LRRC1: variants seen among roughly 807,000 people sequenced by gnomAD.
LRRC1 encodes leucine-rich repeat-containing protein 1.
In LRRC1, 28 loss-of-function variants were observed where a neutral mutation model predicts 69.9. The ratio of observed to expected loss-of-function variants is 0.40; its 90% confidence interval spans 0.30 to 0.55. LRRC1 has a LOEUF of 0.55. Ranked by LOEUF, LRRC1 falls within the 20% of genes least tolerant of loss-of-function variation. LRRC1 has a pLI of 0.47. For synonymous variants in LRRC1, 236 were observed against 240.2 expected, an observed-to-expected ratio of 0.98 and a Z score of 0.16; for missense variants, 498 against 609.0, an observed-to-expected ratio of 0.82 and a Z score of 1.92.
intron 2 of LRRC1, among the ~76,000 whole-genome samples, chr6:53,878,662 C>T (rs994280359): frequency 6.6e-6 from 1 of 152,170 alleles, no homozygotes; most frequent in Non-Finnish European, 1.5e-5. Context: ...TGCCGCTCAC[C>T]TCCTGCTGTG....
chr6:53,920,460 T>C, intron 12 of LRRC1, 165 bp from the exon 13 acceptor site: 1 of 583,198 alleles, frequency 1.7e-6, no homozygotes. Flanking sequence ...GAATTTTGTG[T>C]GTGTTTGTGT....
chr6:53,837,914 A>G (rs894654445), intron 1 of LRRC1, among the ~76,000 whole-genome samples: 2 of 152,214 alleles, frequency 1.3e-5, no homozygotes, highest in Non-Finnish European at 2.9e-5. Flanking sequence ...TCCTTTGCAT[A>G]TAATTGTACA....
chr6:53,861,839 AGAG>A (rs1239580454), intron 2 of LRRC1, among the ~76,000 whole-genome samples: 1 of 151,928 alleles, frequency 6.6e-6, no homozygotes, highest in East Asian at 1.9e-4. Flanking sequence ...CGGGCGTGTG[AGAG>A]GAGAACACAT....
chr6:53,892,011 T>TACACACACACAC (rs70980877), intron 4 of LRRC1, among the ~76,000 whole-genome samples: 8,932 of 135,062 alleles, frequency 0.066, 421 homozygotes, highest in East Asian at 0.15. Context: ...TATATATATA[T>TACACACACACAC]ACACACACAC....
chr6:53,874,319 A>T (rs1766995419), intron 2 of LRRC1, among the ~76,000 whole-genome samples: 1 of 152,118 alleles, frequency 6.6e-6, no homozygotes, highest in South Asian at 2.1e-4. Context: ...TTAAAAATCT[A>T]TTCCAGATTC....
At chr6:53,831,838 G>A (rs185519363) in intron 1 of LRRC1, among the ~76,000 whole-genome samples, 1 of 152,202 alleles carries the variant, frequency 6.6e-6, no homozygotes, top group Non-Finnish European at 1.5e-5. Flanking sequence ...CTTGGCTAGG[G>A]GTGGTATCGA....
intron 4 of LRRC1, among the ~76,000 whole-genome samples, chr6:53,885,581 A>T (rs1290542725): frequency 6.6e-6 from 1 of 152,198 alleles, no homozygotes; most frequent in East Asian, 1.9e-4. Context: ...GGTAAACCAC[A>T]TTAGCATTGG....
chr6:53,846,685 A>G (rs1285876641), intron 2 of LRRC1, among the ~76,000 whole-genome samples: 1 of 152,240 alleles, frequency 6.6e-6, no homozygotes, highest in Admixed American at 6.5e-5. Flanking sequence ...GAGTATATGA[A>G]CTAGATATCT....
intron 8 of LRRC1, among the ~76,000 whole-genome samples, chr6:53,902,211 A>G (rs1768081667): frequency 6.6e-6 from 1 of 152,328 alleles, no homozygotes; most frequent in African/African-American, 2.4e-5. Flanking sequence ...ACCGCACTGT[A>G]GGGATCTTCG....
At chr6:53,877,528 T>C (rs1391602416) in intron 2 of LRRC1, among the ~76,000 whole-genome samples, 1 of 152,200 alleles carries the variant, frequency 6.6e-6, no homozygotes, top group Non-Finnish European at 1.5e-5. Flanking sequence ...ATAAACTGAA[T>C]GCCTTTAACA....
chr6:53,827,897 A>G (rs927328442), intron 1 of LRRC1, among the ~76,000 whole-genome samples: 1 of 152,176 alleles, frequency 6.6e-6, no homozygotes, highest in Non-Finnish European at 1.5e-5. Flanking sequence ...TGGTGTTATT[A>G]TTATGTGCCA....
At chr6:53,912,301 G>A (rs538610446) in intron 10 of LRRC1, among the ~76,000 whole-genome samples, 11 of 152,276 alleles carry the variant, frequency 7.2e-5, no homozygotes, top group African/African-American at 2.6e-4. Flanking sequence ...GGACCAAAGC[G>A]TTCTGTGAAG....
chr6:53,851,127 C>G (rs1766114516), intron 2 of LRRC1, among the ~76,000 whole-genome samples: 1 of 151,322 alleles, frequency 6.6e-6, no homozygotes, highest in African/African-American at 2.4e-5. Context: ...ACTGATCACA[C>G]TCAAGCCTAG....
At chr6:53,845,708 G>C (rs1162197827) in intron 2 of LRRC1, among the ~76,000 whole-genome samples, 1 of 152,214 alleles carries the variant, frequency 6.6e-6, no homozygotes, top group Non-Finnish European at 1.5e-5. Context: ...ACTTGAATGT[G>C]CAAGGAATTA....
At chr6:53,802,508 T>C (rs1764515174) in intron 1 of LRRC1, among the ~76,000 whole-genome samples, 1 of 152,156 alleles carries the variant, frequency 6.6e-6, no homozygotes, top group Non-Finnish European at 1.5e-5. Context: ...TTTTCCTTGA[T>C]TGTGGGGTGC....
intron 8 of LRRC1, among the ~76,000 whole-genome samples, chr6:53,901,792 T>C (rs575305335): frequency 6.6e-6 from 1 of 152,238 alleles, no homozygotes; most frequent in Non-Finnish European, 1.5e-5. Flanking sequence ...GGCTATTGAT[T>C]ATGCTAAATA....
intron 2 of LRRC1, among the ~76,000 whole-genome samples, chr6:53,878,660 A>C (rs1202469520): frequency 6.6e-6 from 1 of 152,076 alleles, no homozygotes; most frequent in African/African-American, 2.4e-5. Context: ...CCTGCCGCTC[A>C]CCTCCTGCTG....
At chr6:53,796,252 C>G (rs1764298482) in intron 1 of LRRC1, among the ~76,000 whole-genome samples, 1 of 152,334 alleles carries the variant, frequency 6.6e-6, no homozygotes, top group East Asian at 1.9e-4. Flanking sequence ...TCCATTGCCG[C>G]CGAACTTGTC....
At position 53,795,164 on chromosome 6, in the gene LRRC1, G is replaced by A. The variant is rs1187621698; in HGVS notation, c.-93G>A. On this transcript the variant is annotated 5_prime_UTR_variant, in exon 1 of 14. Transcript: ENST00000370888. ...CAAGAGCCAACAACGAGCGCGGAGA[G>A]GGCAGCGGACTGAGCGGAGCCGCCG... 1.7e-6 allele frequency: 2 copies of A among 1,148,592 alleles called. No homozygotes were observed. Among genetic ancestry groups the A allele is most frequent in the South Asian group, 1.6e-5 (1 of 63,234 alleles). 71.2% of individuals were successfully genotyped at this position (1,148,592 alleles called of 1,614,324 possible).
Sources: allele counts gnomAD v4.1 joint callset (sites outside exome capture counted in the v4.1 genomes callset), GRCh38; gene constraint gnomAD v4.1.1; transcripts MANE v1.5; gene names NCBI Gene and HGNC (gene_info 2026-07-23, HGNC 2026-07-21).